OPTC: variants seen among roughly 807,000 people sequenced by gnomAD.
OPTC encodes the protein opticin.
A neutral mutation model predicts 25.4 loss-of-function variants in OPTC; 22 were observed. The ratio of observed to expected loss-of-function variants is 0.87; its 90% CI spans 0.62 to 1.24. The LOEUF (loss-of-function observed/expected upper bound fraction) is 1.24, where lower values mean the gene tolerates loss of function less well. OPTC is among the 50% of genes most tolerant of loss of function. The pLI is 0.00. For missense variants in OPTC, 417 were observed against 425.2 expected, an observed-to-expected ratio of 0.98 and a Z score of 0.17; for synonymous variants, 169 against 179.3, an observed-to-expected ratio of 0.94 and a Z score of 0.46.
intron 7 of OPTC, among the ~76,000 whole-genome samples, chr1:203,508,143 G>T (rs906985621): frequency 2.6e-5 from 4 of 152,220 alleles, no homozygotes; most frequent in African/African-American, 9.6e-5. Context: ...GGGCATGGGG[G>T]TGGAGCTGCA....
rs556253539 is a variant in OPTC at position 203,508,749 on chromosome 1, G to T, written c.*129G>T. The T allele has an allele frequency of 6.6e-6, 1 of 152,142 alleles. No individual in the cohort carries two copies. The highest frequency in any genetic ancestry group is 2.4e-5 in the African/African-American group (1 of 41,418). 9.4% of individuals were successfully genotyped at this position (152,142 alleles called of 1,614,324 possible). On this transcript the variant is annotated 3_prime_UTR_variant, in exon 8 of 8. Coordinates refer to ENST00000367222, the MANE Select transcript of OPTC (RefSeq NM_014359.4). ...CATGGACAAAGGTCTCCATGCAGGG[G>T]GAGGAGGCCTGCTTCTTTCCCCACA... is the stretch of plus-strand genomic sequence containing the variant.
intron 5 of OPTC, among the ~76,000 whole-genome samples, chr1:203,502,218 T>C (rs1046610057): frequency 6.6e-6 from 1 of 152,208 alleles, no homozygotes; most frequent in African/African-American, 2.4e-5. Flanking sequence ...CAAACGCTTC[T>C]CTGATTAACA....
chr1:203,504,055 T>G (rs1407414349), intron 7 of OPTC, among the ~76,000 whole-genome samples: 1 of 152,036 alleles, frequency 6.6e-6, no homozygotes, highest in East Asian at 1.9e-4. Context: ...CCAAGAAAGC[T>G]GTGGGAGAGG....
intron 1 of OPTC, among the ~76,000 whole-genome samples, chr1:203,495,465 A>G (rs1661262131): frequency 6.6e-6 from 1 of 152,194 alleles, no homozygotes; most frequent in South Asian, 2.1e-4. Flanking sequence ...GCAGTGAGCC[A>G]AGATCGCACC....
intron 5 of OPTC, among the ~76,000 whole-genome samples, chr1:203,501,720 G>A (rs1661394176): frequency 6.6e-6 from 1 of 152,152 alleles, no homozygotes; most frequent in African/African-American, 2.4e-5. Flanking sequence ...GCCTTCTCCT[G>A]TCTGCAGTGG....
chr1:203,505,445 G>T (rs1196923895), intron 7 of OPTC, among the ~76,000 whole-genome samples: 2 of 152,208 alleles, frequency 1.3e-5, no homozygotes, highest in Admixed American at 1.3e-4. Flanking sequence ...AACTATTCAA[G>T]GTCCCTGGTG....
intron 5 of OPTC, among the ~76,000 whole-genome samples, chr1:203,502,248 C>T (rs77473322): frequency 0.02 from 2,989 of 152,248 alleles, 92 homozygotes; most frequent in African/African-American, 0.068. Flanking sequence ...TCTGAGAGCA[C>T]GGTCCCATGC....
At position 203,498,772 on chromosome 1, in the gene OPTC, G is replaced by A; in HGVS notation, c.462G>A (p.Arg154=). 2 of 1,614,088 alleles carry A rather than the reference G, an allele frequency of 1.2e-6. No individual in the cohort carries two copies. The highest frequency in any genetic ancestry group is 1.7e-6 in the Non-Finnish European group (2 of 1,180,026). The change falls in exon 4 of 8, where the codon AGG becomes AGA. Residue 154 remains arginine (R), a synonymous_variant. Coordinates refer to ENST00000367222, the MANE Select transcript of OPTC (RefSeq NM_014359.4). ...AGGACATTCCTCCTCTTCCTCGGAG[G>A]ACTGCCTACCTGTATGCACGCTTCA... ...DLEDIPPLPR[R]TAYLYARFNR... is the part of the protein sequence containing the mutation.
At chr1:203,498,340 T>C (rs565761364) in intron 3 of OPTC, among the ~76,000 whole-genome samples, 3 of 152,310 alleles carry the variant, frequency 2.0e-5, no homozygotes, top group Non-Finnish European at 4.4e-5. Context: ...GCTTTACTTT[T>C]TGGGACCAGA....
At chr1:203,507,974 G>A (rs529989702) in intron 7 of OPTC, among the ~76,000 whole-genome samples, 2 of 152,352 alleles carry the variant, frequency 1.3e-5, no homozygotes, top group Non-Finnish European at 2.9e-5. Flanking sequence ...TTGCACTTCA[G>A]CAAGCTCTTT....
rs1335202433 is a variant in OPTC, at chr1:203,508,813, G to C, written c.*193G>C. On this transcript the variant is annotated 3_prime_UTR_variant, in exon 8 of 8. Coordinates refer to ENST00000367222, the MANE Select transcript of OPTC (RefSeq NM_014359.4). ...CCTTCTCCCTGCGGGTGACAAAGAA[G>C]CCCAAGGACCACCTCCTTCCTGCCT... 1 of 152,168 alleles carries C rather than the reference G, an allele frequency of 6.6e-6. No individual in the cohort carries two copies. The highest frequency in any genetic ancestry group is 6.5e-5 in the Admixed American group (1 of 15,270). 9.4% of individuals were successfully genotyped at this position (152,168 alleles called of 1,614,324 possible).
chr1:203,494,380 T>C (rs1661245212), intron 1 of OPTC, among the ~76,000 whole-genome samples, 163 bp downstream of exon 1: 1 of 152,210 alleles, frequency 6.6e-6, no homozygotes, highest in Admixed American at 6.5e-5. Context: ...TAGAAAAATT[T>C]TTTTTGAGAT....
At chr1:203,502,551 T>C (rs4457630) in intron 5 of OPTC, among the ~76,000 whole-genome samples, 87,262 of 152,050 alleles carry the variant, frequency 0.57, 25,753 homozygotes, top group East Asian at 0.8. Context: ...GGGAAAGTCC[T>C]TTCTGATAGC....
chr1:203,499,757 T>A lies in OPTC; in HGVS notation c.638T>A (p.Leu213Ter), dbSNP rs747172950. Residue 213 changes from leucine to a stop codon, truncating the protein, a stop_gained, in exon 5 of 8, where the codon TTG (leucine) becomes TAG (stop). Coordinates refer to ENST00000367222, the MANE Select transcript of OPTC (RefSeq NM_014359.4). LOFTEE classifies it high-confidence loss of function. ...GACCTCATCCTCCCAGAGAACCAGTTGGAAGCTCTGCCCGTGCTGCCCAGT... is the reference window on the plus strand; with the variant it reads ...GACCTCATCCTCCCAGAGAACCAGTAGGAAGCTCTGCCCGTGCTGCCCAGT... The part of the protein sequence containing the change: ...LQDLILPENQ[L>*]EALPVLPSGI... 6.2e-7 allele frequency: 1 copy of A among 1,612,984 alleles called. No homozygotes were observed. Among genetic ancestry groups the A allele is most frequent in the South Asian group, 1.1e-5 (1 of 91,072 alleles).
At chr1:203,507,612 G>A (rs1042490330) in intron 7 of OPTC, among the ~76,000 whole-genome samples, 1 of 152,208 alleles carries the variant, frequency 6.6e-6, no homozygotes, top group African/African-American at 2.4e-5. Flanking sequence ...CTTCAGGAGG[G>A]TCTTGCCCTA....
At chr1:203,507,559 T>C (rs1449968647) in intron 7 of OPTC, among the ~76,000 whole-genome samples, 1 of 152,218 alleles carries the variant, frequency 6.6e-6, no homozygotes, top group Non-Finnish European at 1.5e-5. Context: ...CTGCCAGCTC[T>C]GTGTGAAGGG....
At chr1:203,503,971 C>T (rs1661436366) in intron 7 of OPTC, among the ~76,000 whole-genome samples, 1 of 152,204 alleles carries the variant, frequency 6.6e-6, no homozygotes, top group African/African-American at 2.4e-5. Flanking sequence ...CTTATGGCTC[C>T]TGGCTCAGAA....
Position 203,498,613 on chromosome 1 carries a change from T to C in OPTC, c.371-68T>C. On this transcript the variant is annotated intron_variant, in intron 3 of 7. Transcript: ENST00000367222. Reference sequence around the variant, plus strand: ...AGATGGCCATGGTTCAGACACTCCCTGGGGCGAGGGCCATTGGCCCCAGAG... The same window carrying C: ...AGATGGCCATGGTTCAGACACTCCCCGGGGCGAGGGCCATTGGCCCCAGAG... 13 of 1,596,408 alleles carry C rather than the reference T, an allele frequency of 8.1e-6. No individual in the cohort carries two copies. In the South Asian group the frequency reaches 1.2e-4, roughly 15 times the overall value.
rs756276115 is a variant in OPTC at position 203,502,903 on chromosome 1, T to G, written c.733-11T>G. On this transcript the variant is annotated splice_polypyrimidine_tract_variant and intron_variant, in intron 5 of 7. Transcript: ENST00000367222. ...CCCACCAGCCTCCTACACTCTTTGC[T>G]TTCTCCACAGGCAATGGAGAAGCTG... The G allele has an allele frequency of 6.2e-7, 1 of 1,610,258 alleles. No individual in the cohort carries two copies. The highest frequency in any genetic ancestry group is 1.1e-5 in the South Asian group (1 of 90,908).
Sources: gnomAD v4.1 joint callset for allele counts (sites outside exome capture counted in the v4.1 genomes callset) on GRCh38, gnomAD v4.1.1 for gene constraint, MANE v1.5 for transcripts, NCBI Gene and HGNC (gene_info 2026-07-23, HGNC 2026-07-21) for gene names.